CCDC171: variants seen among roughly 807,000 people sequenced by gnomAD.
CCDC171 encodes coiled-coil domain-containing protein 171.
CCDC171 carries 177 observed loss-of-function variants against 168.2 expected under a neutral mutation model. The observed-to-expected ratio is 1.05, with a 90% CI of 0.93 to 1.19. The LOEUF is 1.19. CCDC171 is among the 50% of genes most tolerant of loss of function. The probability of loss-of-function intolerance (pLI) is 0.00; values close to 1 mark genes in which losing one functional copy is unlikely to be tolerated. For synonymous variants in CCDC171, 687 were observed against 540.8 expected, an observed-to-expected ratio of 1.27 and a Z score of -3.75; for missense variants, 1,991 against 1,539.0, an observed-to-expected ratio of 1.29 and a Z score of -4.91.
chr9:15,681,826 A>G (rs999912221), intron 10 of CCDC171, among the ~76,000 whole-genome samples: 1 of 152,058 alleles, frequency 6.6e-6, no homozygotes, highest in Admixed American at 6.6e-5. Flanking sequence ...TTGACTGAAG[A>G]CAGAATGACT....
At position 15,816,153 on chromosome 9, in the gene CCDC171, C is replaced by T. The variant is rs1298632833; in HGVS notation, c.3268-30549C>T. 5.1e-5 allele frequency among the ~76,000 whole-genome samples: 6 copies of T among 116,998 alleles called. 2 individuals are homozygous for T. Among genetic ancestry groups the T allele is most frequent in the Non-Finnish European group, 5.8e-5 (3 of 52,098 alleles). 76.8% of individuals were successfully genotyped at this position (116,998 alleles called of 152,430 possible). A position where few individuals can be genotyped will look rare whatever the true frequency, so the allele number is the denominator to read the frequency against. On this transcript the variant is annotated intron_variant, in intron 21 of 25. Coordinates refer to ENST00000380701, the MANE Select transcript of CCDC171 (RefSeq NM_173550.4). ...ATGTTCTCATACATAATTTTAAAAA[C>T]GTTTTTTCATGTTCAAATTTGTCCT...
intron 24 of CCDC171, among the ~76,000 whole-genome samples, chr9:15,882,395 C>T (rs1818765991): frequency 4.6e-5 from 7 of 152,180 alleles, no homozygotes; most frequent in Admixed American, 4.6e-4. Context: ...TGGGTTGTCT[C>T]TTCACTTTGT....
At chr9:15,816,605 C>T (rs1261682319) in intron 21 of CCDC171, among the ~76,000 whole-genome samples, 3 of 117,988 alleles carry the variant, frequency 2.5e-5, no homozygotes, top group Non-Finnish European at 3.8e-5. Flanking sequence ...AGTTCTAAGA[C>T]GAGTGGCTTA....
chr9:15,718,993 A>G (rs1341595544), intron 11 of CCDC171, among the ~76,000 whole-genome samples: 1 of 152,176 alleles, frequency 6.6e-6, no homozygotes, highest in Non-Finnish European at 1.5e-5. Flanking sequence ...TAAATAAGGG[A>G]CCAGAAACCA....
intron 4 of CCDC171, among the ~76,000 whole-genome samples, chr9:15,588,792 C>A (rs2041776260): frequency 6.6e-6 from 1 of 150,958 alleles, no homozygotes. Flanking sequence ...ACTGCAAGCT[C>A]CACCTCCCGG....
At chr9:15,646,055 G>T (rs2047009411) in intron 7 of CCDC171, among the ~76,000 whole-genome samples, 1 of 152,184 alleles carries the variant, frequency 6.6e-6, no homozygotes, top group Non-Finnish European at 1.5e-5. Context: ...TCTCTCAGCA[G>T]AAACTCTACA....
chr9:15,992,092 A>T (rs1365148821), intron 3 of CCDC171, among the ~76,000 whole-genome samples: 2 of 152,242 alleles, frequency 1.3e-5, no homozygotes, highest in East Asian at 3.8e-4. Flanking sequence ...GGCCAGCATC[A>T]TCCTGATACC....
chr9:15,784,566 C>A lies in CCDC171; in HGVS notation c.3139C>A (p.Leu1047Ile). The A allele has an allele frequency of 6.2e-7, 1 of 1,613,256 alleles. No homozygotes were observed. Among genetic ancestry groups the A allele is most frequent in the Non-Finnish European group, 8.5e-7 (1 of 1,179,438 alleles). Residue 1047 changes from leucine to isoleucine, a missense_variant, in exon 21 of 26, where the codon CTT becomes ATT. Leu to Ile is a conservative substitution (Grantham distance 5, BLOSUM62 2). Coordinates refer to ENST00000380701, the MANE Select transcript of CCDC171 (RefSeq NM_173550.4). ...ATGTGAAGAACTAAATAATGCATTA[C>A]TTCGGGAAGAGCAGGCACAAATGCT... Reference protein sequence around the residue: ...SACEELNNALLREEQAQMLLN... With the variant: ...SACEELNNALIREEQAQMLLN...
chr9:15,640,194 T>C (rs2046495225), intron 7 of CCDC171, among the ~76,000 whole-genome samples: 1 of 152,194 alleles, frequency 6.6e-6, no homozygotes, highest in Admixed American at 6.5e-5. Context: ...AAATGTAAAA[T>C]GTTTGGACTT....
Position 15,752,306 on chromosome 9 carries a change from G to A in CCDC171, c.2671+6675G>A, listed in dbSNP as rs187010581. ...TAGGTACGCTGTTACACTGTTGGTG[G>A]GAGTGTAAATTCAACCATTGTAGAA... is the stretch of plus-strand genomic sequence containing the variant. On this transcript the variant is annotated intron_variant, in intron 18 of 25. Coordinates refer to ENST00000380701, the MANE Select transcript of CCDC171 (RefSeq NM_173550.4). Among the ~76,000 whole-genome samples the A allele has an allele frequency of 7.0e-4, 106 of 152,256 alleles. 1 individual carries two copies. The highest frequency in any genetic ancestry group is 3.7e-3 in the South Asian group (18 of 4,824).
chr9:15,745,872 T>C (rs2055237581), intron 18 of CCDC171, among the ~76,000 whole-genome samples: 1 of 152,156 alleles, frequency 6.6e-6, no homozygotes, highest in Admixed American at 6.5e-5. Context: ...TCTTTTTTTC[T>C]ATCTGTTTTT....
chr9:16,010,195 A>T (rs897380861), intron 3 of CCDC171, among the ~76,000 whole-genome samples: 2 of 152,146 alleles, frequency 1.3e-5, no homozygotes, highest in Non-Finnish European at 2.9e-5. Context: ...TTGCCTCTCC[A>T]TGGTACCTAG....
At chr9:15,875,598 T>C (rs1391545110) in intron 24 of CCDC171, 1 of 152,092 alleles carries the variant, frequency 6.6e-6, no homozygotes, top group Non-Finnish European at 1.5e-5. Flanking sequence ...AAACTTAGTG[T>C]GTCTTTCACA....
At chr9:15,783,722 A>G (rs986160535) in intron 20 of CCDC171, among the ~76,000 whole-genome samples, 2 of 152,200 alleles carry the variant, frequency 1.3e-5, no homozygotes, top group African/African-American at 4.8e-5. Context: ...CCTGTCTAGA[A>G]CTGTCATTAG....
At chr9:15,998,668 G>C (rs1397922101) in intron 3 of CCDC171, among the ~76,000 whole-genome samples, 5 of 152,154 alleles carry the variant, frequency 3.3e-5, no homozygotes, top group African/African-American at 9.7e-5. Context: ...GATCAGGCTT[G>C]GCAAGTGGTA....
chr9:15,732,306 T>G (rs2054199683), intron 16 of CCDC171, among the ~76,000 whole-genome samples: 1 of 152,122 alleles, frequency 6.6e-6, no homozygotes, highest in African/African-American at 2.4e-5. Context: ...AGTTTCATAG[T>G]TTTAGCTTTT....
chr9:15,897,628 A>T (rs1460080599), intron 24 of CCDC171, among the ~76,000 whole-genome samples: 1 of 152,184 alleles, frequency 6.6e-6, no homozygotes, highest in Non-Finnish European at 1.5e-5. Context: ...ATCTTTGAAA[A>T]TCCTGGTGTC....
the CCDC171 span, among the ~76,000 whole-genome samples, chr9:16,075,838 G>A: frequency 2.0e-5 from 3 of 152,172 alleles, no homozygotes; most frequent in Non-Finnish European, 4.4e-5. Flanking sequence ...CAGCATTAAA[G>A]AGAGAATAGC....
chr9:15,907,307 G>T (rs986599700), intron 24 of CCDC171, among the ~76,000 whole-genome samples: 2 of 152,116 alleles, frequency 1.3e-5, no homozygotes, highest in African/African-American at 4.8e-5. Flanking sequence ...TACCAAAACA[G>T]ATATATAGAC....
Sources: gnomAD v4.1 joint callset for allele counts (sites outside exome capture counted in the v4.1 genomes callset) on GRCh38, gnomAD v4.1.1 for gene constraint, MANE v1.5 for transcripts, NCBI Gene and HGNC (gene_info 2026-07-23, HGNC 2026-07-21) for gene names.